CALN1: variants seen among roughly 807,000 people sequenced by gnomAD.
CALN1 encodes calcium-binding protein 8.
CALN1 carries 17 observed loss-of-function variants against 30.6 expected under a neutral mutation model. The ratio of observed to expected loss-of-function variants is 0.56; its 90% CI spans 0.38 to 0.83. CALN1 has a LOEUF of 0.83. CALN1 is among the 40% of genes least tolerant of loss of function. The pLI is 0.00. For missense variants in CALN1, 291 were observed against 354.9 expected, an observed-to-expected ratio of 0.82 and a Z score of 1.45; for synonymous variants, 156 against 131.4, an observed-to-expected ratio of 1.19 and a Z score of -1.28.
intron 5 of CALN1, among the ~76,000 whole-genome samples, chr7:71,821,110 T>A (rs1269343622): frequency 2.0e-5 from 3 of 152,204 alleles, no homozygotes; most frequent in African/African-American, 7.2e-5. Context: ...AATGTATAGA[T>A]ACAGGTTAAT....
intron 2 of CALN1, among the ~76,000 whole-genome samples, chr7:72,397,573 A>G (rs1806044362): frequency 6.6e-6 from 1 of 152,120 alleles, no homozygotes; most frequent in Non-Finnish European, 1.5e-5. Context: ...AGGAAGAGGG[A>G]GTCAGGAAAT....
chr7:72,425,269 A>G (rs1197660764), intron 1 of CALN1, among the ~76,000 whole-genome samples: 1 of 152,124 alleles, frequency 6.6e-6, no homozygotes, highest in African/African-American at 2.4e-5. Context: ...ACGTGCCACC[A>G]CACCCAGCTA....
At chr7:71,987,791 G>T (rs112100021) in intron 5 of CALN1, among the ~76,000 whole-genome samples, 2 of 152,164 alleles carry the variant, frequency 1.3e-5, no homozygotes, top group Non-Finnish European at 2.9e-5. Flanking sequence ...TAGCAGGCTC[G>T]TCTCTTTTTT....
At chr7:71,955,533 A>G (rs1796915461) in intron 5 of CALN1, among the ~76,000 whole-genome samples, 1 of 152,128 alleles carries the variant, frequency 6.6e-6, no homozygotes, top group Non-Finnish European at 1.5e-5. Context: ...CACTTAAGTC[A>G]ATGGCACAGC....
At chr7:72,203,334 C>G (rs2129547550) in intron 3 of CALN1, among the ~76,000 whole-genome samples, 1 of 151,548 alleles carries the variant, frequency 6.6e-6, no homozygotes, top group Middle Eastern at 3.4e-3. Flanking sequence ...CACATGTATC[C>G]CAGAACTTAA....
the CALN1 span, among the ~76,000 whole-genome samples, chr7:72,464,071 GAAGAAAGAAA>G: frequency 2.2e-5 from 3 of 139,364 alleles, no homozygotes; most frequent in Non-Finnish European, 4.6e-5. Flanking sequence ...AAGAAAGAAA[GAAGAAAGAAA>G]AAGAAAGAAA....
intron 3 of CALN1, among the ~76,000 whole-genome samples, chr7:72,193,928 GAAT>G (rs1413481120): frequency 2.6e-5 from 4 of 151,640 alleles, no homozygotes; most frequent in Non-Finnish European, 4.4e-5. Context: ...AAAGGCATAA[GAAT>G]AATACAATAA....
At chr7:71,842,886 T>A (rs1024351147) in intron 5 of CALN1, among the ~76,000 whole-genome samples, 2 of 152,226 alleles carry the variant, frequency 1.3e-5, no homozygotes, top group Non-Finnish European at 2.9e-5. Flanking sequence ...TAGACTGTCA[T>A]ATTGCATTTT....
intron 2 of CALN1, among the ~76,000 whole-genome samples, chr7:72,399,080 C>T (rs571604092): frequency 6.6e-6 from 1 of 152,062 alleles, no homozygotes; most frequent in Non-Finnish European, 1.5e-5. Context: ...TCACCATCTA[C>T]AGGTCACCTC....
chr7:72,348,207 A>C (rs1020208467), intron 2 of CALN1, among the ~76,000 whole-genome samples: 1 of 152,254 alleles, frequency 6.6e-6, no homozygotes, highest in African/African-American at 2.4e-5. Flanking sequence ...ATTAACAATT[A>C]GAAACTAAAC....
In CALN1 at chr7:72,157,016, A is replaced by T. The variant is rs115103734; in HGVS notation, c.245-50722T>A. ...GCCATGGTTGAGACAGATGCTCATG[A>T]AATGACATAAACGCCAGTCAAATTG... is the stretch of plus-strand genomic sequence containing the variant. On this transcript the variant is annotated intron_variant, in intron 3 of 6. Coordinates refer to ENST00000395275, the MANE Select transcript of CALN1 (RefSeq NM_031468.4). Among the ~76,000 whole-genome samples, 273 of 152,338 alleles carry T rather than the reference A, an allele frequency of 1.8e-3. 2 individuals are homozygous for T. Among genetic ancestry groups the T allele is most frequent in the African/African-American group, 6.3e-3 (260 of 41,574 alleles).
intron 2 of CALN1, among the ~76,000 whole-genome samples, chr7:72,340,506 G>C (rs887190923): frequency 2.0e-5 from 3 of 152,118 alleles, no homozygotes; most frequent in Admixed American, 6.5e-5. Context: ...TGGGTGGTTG[G>C]GACTTAAGCA....
intron 5 of CALN1, among the ~76,000 whole-genome samples, chr7:71,819,575 CT>C (rs1788476448): frequency 6.6e-6 from 1 of 152,204 alleles, no homozygotes; most frequent in African/African-American, 2.4e-5. Context: ...ACAATTACTT[CT>C]CTCCAGAAGT....
At chr7:71,879,291 C>A (rs544767178) in intron 5 of CALN1, among the ~76,000 whole-genome samples, 1 of 152,208 alleles carries the variant, frequency 6.6e-6, no homozygotes, top group African/African-American at 2.4e-5. Context: ...GTAGGGAACT[C>A]CAGATTTTGG....
intron 4 of CALN1, among the ~76,000 whole-genome samples, chr7:72,029,163 G>A (rs1387691173): frequency 2.0e-5 from 3 of 151,612 alleles, no homozygotes; most frequent in Non-Finnish European, 1.5e-5. Flanking sequence ...GTCTCACTCT[G>A]TTGCCCAGGC....
chr7:71,816,058 G>C (rs1788248911), intron 5 of CALN1, among the ~76,000 whole-genome samples: 1 of 150,252 alleles, frequency 6.7e-6, no homozygotes, highest in Non-Finnish European at 1.5e-5. Flanking sequence ...TCTTTACAGA[G>C]AGAGTCTTGC....
intron 3 of CALN1, among the ~76,000 whole-genome samples, chr7:72,192,146 A>G (rs1446800350): frequency 1.3e-5 from 2 of 152,106 alleles, no homozygotes; most frequent in Non-Finnish European, 2.9e-5. Context: ...AGCATTATTT[A>G]CATAAACCTA....
intron 2 of CALN1, among the ~76,000 whole-genome samples, chr7:72,286,996 G>GC (rs763708026): frequency 6.6e-5 from 10 of 152,148 alleles, no homozygotes; most frequent in Non-Finnish European, 1.2e-4. Context: ...TGGAAAAGGT[G>GC]CATGCATTTG....
chr7:71,806,394 C>T (rs1032977599), intron 6 of CALN1, among the ~76,000 whole-genome samples: 1 of 151,654 alleles, frequency 6.6e-6, no homozygotes, highest in African/African-American at 2.4e-5. Flanking sequence ...GCAACCTCCA[C>T]CTCCTGGGCT....
Sources: allele counts gnomAD v4.1 joint callset (sites outside exome capture counted in the v4.1 genomes callset), GRCh38; gene constraint gnomAD v4.1.1; transcripts MANE v1.5; gene names NCBI Gene and HGNC (gene_info 2026-07-23, HGNC 2026-07-21).